CFAP74: variants seen among roughly 807,000 people sequenced by gnomAD.
CFAP74 encodes the protein cilia- and flagella-associated protein 74.
A neutral mutation model predicts 188.9 loss-of-function variants in CFAP74; 124 were observed. The observed-to-expected ratio is 0.66, with a 90% CI of 0.57 to 0.76. The LOEUF (loss-of-function observed/expected upper bound fraction) is 0.76. Ranked by LOEUF, CFAP74 falls within the 30% of genes least tolerant of loss-of-function variation. The pLI is 0.00. For missense variants in CFAP74, 2,198 were observed against 2,165.2 expected (o/e 1.02, Z -0.30); for synonymous variants, 956 against 916.7 (o/e 1.04, Z -0.77).
At chr1:1,955,112 C>T (rs768560073) in intron 18 of CFAP74, 2 of 1,138,336 alleles carry the variant, frequency 1.8e-6, no homozygotes, top group South Asian at 3.0e-5. Flanking sequence ...ACCGGCCCAG[C>T]TCCGCGCTGA....
At chr1:1,970,388 CAG>C (rs138125368) in intron 10 of CFAP74, among the ~76,000 whole-genome samples, 1,706 of 152,268 alleles carry the variant, frequency 0.011, 29 homozygotes, top group African/African-American at 0.039. Context: ...AGGCTCTCGA[CAG>C]GGGCCGGGGT....
intron 2 of CFAP74, among the ~76,000 whole-genome samples, chr1:1,989,350 A>G (rs1433212500): frequency 6.6e-6 from 1 of 152,232 alleles, no homozygotes; most frequent in Non-Finnish European, 1.5e-5. Flanking sequence ...GGACGGTGTG[A>G]GACAAAGCCG....
chr1:1,955,639 C>G (rs201482356), intron 18 of CFAP74, 52 bp downstream of exon 18: 13 of 1,609,432 alleles, frequency 8.1e-6, no homozygotes, highest in Non-Finnish European at 1.0e-5. Context: ...GAATGCTGCC[C>G]TGAGGCCCTC....
intron 28 of CFAP74, 48 bp downstream of exon 28, chr1:1,927,559 C>G: frequency 6.6e-7 from 1 of 1,524,646 alleles, no homozygotes; most frequent in Non-Finnish European, 8.8e-7. Context: ...TGGGTCCCAC[C>G]AGAGGGGCCT....
Position 1,925,766 on chromosome 1 carries a change from G to A in CFAP74, c.4104+17C>T. ...CTGGGAGGCTGGAGCCAGCACCAGG[G>A]CCCACGTGTGCTTCACCTTGAAGCC... On this transcript the variant is annotated intron_variant, in intron 33 of 38. Transcript: ENST00000682832. 1.9e-6 allele frequency: 3 copies of A among 1,604,664 alleles called. No homozygotes were observed. Among genetic ancestry groups the A allele is most frequent in the South Asian group, 1.1e-5 (1 of 90,412 alleles).
At chr1:1,949,121 T>TC (rs1243895718) in intron 18 of CFAP74, among the ~76,000 whole-genome samples, 150 of 76,984 alleles carry the variant, frequency 1.9e-3, no homozygotes, top group Non-Finnish European at 2.8e-3. Context: ...TTTCCTTTCT[T>TC]CCCTTCCCTC....
chr1:1,970,930 C>G, intron 9 of CFAP74, 114 bp from the exon 10 acceptor site: 1 of 1,275,584 alleles, frequency 7.8e-7, no homozygotes, highest in Non-Finnish European at 1.1e-6. Context: ...CACACACGTG[C>G]ACACACACAT....
chr1:1,988,498 C>T lies in CFAP74; in HGVS notation c.296+14G>A. 1 of 1,609,446 alleles carries T rather than the reference C, an allele frequency of 6.2e-7. No individual in the cohort carries two copies. The highest frequency in any genetic ancestry group is 8.5e-7 in the Non-Finnish European group (1 of 1,179,930). On this transcript the variant is annotated intron_variant, in intron 4 of 38. Coordinates refer to ENST00000682832, the MANE Select transcript of CFAP74 (RefSeq NM_001304360.2). Reference sequence around the variant, plus strand: ...TCAAGAGGTGCAGGTGCAGCGGCCTCAGCCCCAGCTCACCTCATCTTCTCA... The same window carrying T: ...TCAAGAGGTGCAGGTGCAGCGGCCTTAGCCCCAGCTCACCTCATCTTCTCA...
intron 25 of CFAP74, among the ~76,000 whole-genome samples, chr1:1,932,837 C>T (rs551632275): frequency 6.8e-6 from 1 of 146,680 alleles, no homozygotes; most frequent in Non-Finnish European, 1.5e-5. Flanking sequence ...CGTGATCTGC[C>T]CGCCTCGGCC....
intron 6 of CFAP74, among the ~76,000 whole-genome samples, chr1:1,977,816 TTG>T (rs1656547418): frequency 6.6e-6 from 1 of 152,162 alleles, no homozygotes; most frequent in African/African-American, 2.4e-5. Flanking sequence ...ATCCAAATGT[TTG>T]GAGAGACAAC....
chr1:1,993,668 T>C lies in CFAP74; in HGVS notation c.-19-2693A>G, dbSNP rs149668025. On this transcript the variant is annotated intron_variant, in intron 1 of 38. Transcript: ENST00000682832. ...CATTGTGCTTGTACCATGATTAATA[T>C]ACAAAACAGCTGATGTCAAATGCTT... 1.1e-3 allele frequency among the ~76,000 whole-genome samples: 85 copies of C among 79,202 alleles called. 1 individual carries two copies. The East Asian group carries it at 0.029, about 27-fold the overall frequency. The allele number at this position is 79,202 out of a possible 152,430, so 52.0% of individuals were successfully genotyped here. A position where few individuals can be genotyped will look rare whatever the true frequency, so the allele number is the denominator to read the frequency against.
At chr1:1,962,703 A>C (rs1655179434) in intron 14 of CFAP74, among the ~76,000 whole-genome samples, 1 of 151,778 alleles carries the variant, frequency 6.6e-6, no homozygotes, top group Admixed American at 6.6e-5. Context: ...TGGGAAACAC[A>C]GTGAAACCCT....
At chr1:1,927,116 C>A in intron 28 of CFAP74, 88 bp from the exon 29 acceptor site, 1 of 1,417,026 alleles carries the variant, frequency 7.1e-7, no homozygotes, top group Admixed American at 2.3e-5. Context: ...CCTCAGGGTC[C>A]CAGGGTCCCA....
At chr1:1,947,130 G>T in intron 18 of CFAP74, 76 bp from the exon 19 acceptor site, 1 of 1,077,844 alleles carries the variant, frequency 9.3e-7, no homozygotes, top group Non-Finnish European at 1.4e-6. Context: ...TTGGGACGTG[G>T]TCACCACCTC....
rs764125551 is a variant in CFAP74 at position 1,972,930 on chromosome 1, G to A, written c.785+7C>T. 6.3e-7 allele frequency: 1 copy of A among 1,598,062 alleles called. No individual in the cohort carries two copies. Among genetic ancestry groups the A allele is most frequent in the Non-Finnish European group, 8.6e-7 (1 of 1,165,652 alleles). On this transcript the variant is annotated splice_region_variant and intron_variant, in intron 8 of 38. Transcript: ENST00000682832. ...TTCTCCTTAAGGACGTCGAAGGGAGGCCCTACCTTCCCAGGGAGGCCTTCA... is the reference window on the plus strand; with the variant it reads ...TTCTCCTTAAGGACGTCGAAGGGAGACCCTACCTTCCCAGGGAGGCCTTCA...
intron 15 of CFAP74, 33 bp from the exon 16 acceptor site, chr1:1,959,242 C>T (rs773291134): frequency 7.2e-7 from 1 of 1,388,590 alleles, no homozygotes; most frequent in Admixed American, 1.8e-5. Context: ...CCACAATACA[C>T]TTCTGCAACT....
At chr1:1,987,253 G>A (rs922635292) in intron 4 of CFAP74, among the ~76,000 whole-genome samples, 7 of 152,228 alleles carry the variant, frequency 4.6e-5, no homozygotes, top group Admixed American at 1.3e-4. Flanking sequence ...GCCCCCACCC[G>A]AAGGTGACAT....
At chr1:1,939,024 G>A in intron 24 of CFAP74, 36 bp from the exon 25 acceptor site, 2 of 1,529,490 alleles carry the variant, frequency 1.3e-6, no homozygotes, top group African/African-American at 1.4e-5. Context: ...GCATGTCACG[G>A]GGAGACCATG....
intron 21 of CFAP74, among the ~76,000 whole-genome samples, chr1:1,943,075 C>A (rs558528985): frequency 1.3e-5 from 2 of 152,216 alleles, no homozygotes; most frequent in Non-Finnish European, 2.9e-5. Flanking sequence ...GCGCCCTCCC[C>A]GTCAGGCAGA....
Sources: allele counts gnomAD v4.1 joint callset (sites outside exome capture counted in the v4.1 genomes callset), GRCh38; gene constraint gnomAD v4.1.1; transcripts MANE v1.5; gene names NCBI Gene and HGNC (gene_info 2026-07-23, HGNC 2026-07-21).